Variants in CHST8 observed in about 807,000 individuals in gnomAD.
The protein encoded by CHST8 is carbohydrate sulfotransferase 8.
A neutral mutation model predicts 15.0 loss-of-function variants in CHST8; 10 were observed. The observed-to-expected ratio is 0.67, with a 90% CI of 0.41 to 1.13. The LOEUF (loss-of-function observed/expected upper bound fraction) is 1.13. CHST8 is among the 50% of genes most tolerant of loss of function. CHST8 has a pLI of 0.00. For synonymous variants in CHST8, 259 were observed against 256.6 expected (o/e 1.01, Z -0.09); for missense variants, 634 against 608.2 (o/e 1.04, Z -0.45).
At chr19:33,691,437 C>T (rs1973097932) in intron 3 of CHST8, among the ~76,000 whole-genome samples, 1 of 152,198 alleles carries the variant, frequency 6.6e-6, no homozygotes, top group Non-Finnish European at 1.5e-5. Flanking sequence ...TTAAGTAATG[C>T]TTACGTTACT....
intron 3 of CHST8, among the ~76,000 whole-genome samples, chr19:33,756,373 T>G (rs749950680): frequency 3.3e-5 from 5 of 152,168 alleles, no homozygotes; most frequent in Non-Finnish European, 7.4e-5. Context: ...AACCGAGGTA[T>G]GTGGCCCAGA....
At chr19:33,660,041 G>T (rs1176720521) in intron 1 of CHST8, among the ~76,000 whole-genome samples, 2 of 152,214 alleles carry the variant, frequency 1.3e-5, no homozygotes, top group African/African-American at 2.4e-5. Context: ...CCCCTGAGGG[G>T]CTGCCCAGCC....
chr19:33,659,803 C>G (rs559489617), intron 1 of CHST8, among the ~76,000 whole-genome samples: 1 of 151,728 alleles, frequency 6.6e-6, no homozygotes, highest in African/African-American at 2.4e-5. Context: ...AGAGCAAGAC[C>G]CTGTTTAAAA....
intron 1 of CHST8, among the ~76,000 whole-genome samples, chr19:33,630,276 T>C (rs1972105416): frequency 6.6e-6 from 1 of 152,244 alleles, no homozygotes; most frequent in Non-Finnish European, 1.5e-5. Context: ...CAGATGCTGC[T>C]CTTTCTGGTT....
chr19:33,732,291 G>A (rs558954617), intron 3 of CHST8, among the ~76,000 whole-genome samples: 100 of 152,236 alleles, frequency 6.6e-4, no homozygotes, highest in African/African-American at 2.3e-3. Context: ...ATAAGCCCGC[G>A]TTCTGTTTTG....
At chr19:33,650,184 C>T (rs1005680804) in intron 1 of CHST8, among the ~76,000 whole-genome samples, 2 of 152,070 alleles carry the variant, frequency 1.3e-5, no homozygotes, top group Admixed American at 6.6e-5. Context: ...GGAAGTCTAA[C>T]GGTGGTTAGC....
chr19:33,638,666 C>T (rs575725070), intron 1 of CHST8, among the ~76,000 whole-genome samples: 5 of 152,120 alleles, frequency 3.3e-5, no homozygotes, highest in African/African-American at 7.2e-5. Context: ...CAAATTCTGT[C>T]GGAAAGGGAG....
chr19:33,689,937 G>A (rs1194785190), intron 3 of CHST8, among the ~76,000 whole-genome samples: 1 of 152,194 alleles, frequency 6.6e-6, no homozygotes, highest in Non-Finnish European at 1.5e-5. Flanking sequence ...AGTCACAGAG[G>A]GCTGCTGGGA....
chr19:33,680,903 T>A (rs1264716439), intron 2 of CHST8, among the ~76,000 whole-genome samples: 1 of 152,204 alleles, frequency 6.6e-6, no homozygotes, highest in Non-Finnish European at 1.5e-5. Flanking sequence ...AATTTTTAAT[T>A]TTGAGATAAT....
intron 3 of CHST8, among the ~76,000 whole-genome samples, chr19:33,721,589 T>TATGG (rs113422475): frequency 5.2e-4 from 66 of 125,752 alleles, no homozygotes; most frequent in Non-Finnish European, 5.9e-4. Flanking sequence ...TGAGTGGGCA[T>TATGG]ATGGATGGAT....
At chr19:33,632,977 C>T (rs1972142553) in intron 1 of CHST8, among the ~76,000 whole-genome samples, 1 of 151,746 alleles carries the variant, frequency 6.6e-6, no homozygotes, top group South Asian at 2.1e-4. Context: ...ATTACAGACA[C>T]GCACCACCAC....
At chr19:33,768,344 G>A (rs8103367) in intron 3 of CHST8, among the ~76,000 whole-genome samples, 13,006 of 152,266 alleles carry the variant, frequency 0.085, 792 homozygotes, top group Non-Finnish European at 0.13. Flanking sequence ...GGAGGCCGAG[G>A]CAGGAGGATT....
chr19:33,743,918 A>C (rs1400220139), intron 3 of CHST8, among the ~76,000 whole-genome samples: 1 of 151,698 alleles, frequency 6.6e-6, no homozygotes, highest in Non-Finnish European at 1.5e-5. Context: ...CAGCCTCCCA[A>C]GTAGCTGGGA....
chr19:33,719,273 C>T (rs989129830), intron 3 of CHST8, among the ~76,000 whole-genome samples: 4 of 152,156 alleles, frequency 2.6e-5, no homozygotes, highest in Non-Finnish European at 4.4e-5. Context: ...GAGCCCTGGG[C>T]GGGGAGGCAG....
At position 33,727,138 on chromosome 19, in the gene CHST8, T is replaced by C. The variant is rs555272647; in HGVS notation, c.130+37747T>C. ...CCACGCGTCCTGCTCCCCAGGTGCG[T>C]CCTATGGTGGGGATCCTCTCCCACC... On this transcript the variant is annotated intron_variant, in intron 3 of 4. Transcript: ENST00000650847. Among the ~76,000 whole-genome samples, 43 of 151,764 alleles carry C rather than the reference T, an allele frequency of 2.8e-4. 1 individual carries two copies. In the South Asian group the frequency reaches 9.0e-3, roughly 32 times the overall value.
chr19:33,631,474 A>G (rs1243508972), intron 1 of CHST8, among the ~76,000 whole-genome samples: 1 of 152,040 alleles, frequency 6.6e-6, no homozygotes, highest in Non-Finnish European at 1.5e-5. Context: ...AGTGGTCATC[A>G]CTACCTTGCC....
intron 3 of CHST8, among the ~76,000 whole-genome samples, chr19:33,740,134 A>T (rs1974158457): frequency 6.6e-6 from 1 of 152,228 alleles, no homozygotes; most frequent in South Asian, 2.1e-4. Flanking sequence ...TGCTAAAGCC[A>T]TTCAGCAAGC....
chr19:33,757,449 A>G (rs569074556), intron 3 of CHST8, among the ~76,000 whole-genome samples: 21 of 34,466 alleles, frequency 6.1e-4, no homozygotes, highest in African/African-American at 1.9e-3. Flanking sequence ...AAAGAAAGAA[A>G]GAAAGAAAGA....
intron 1 of CHST8, among the ~76,000 whole-genome samples, chr19:33,623,787 T>C (rs1972016650): frequency 6.6e-6 from 1 of 152,148 alleles, no homozygotes; most frequent in Non-Finnish European, 1.5e-5. Flanking sequence ...GGAAGGACAC[T>C]CATCCCAGCA....
Sources: allele counts gnomAD v4.1 joint callset (sites outside exome capture counted in the v4.1 genomes callset), GRCh38; gene constraint gnomAD v4.1.1; transcripts MANE v1.5; gene names NCBI Gene and HGNC (gene_info 2026-07-23, HGNC 2026-07-21).